STEAP2: variants seen among roughly 807,000 people sequenced by gnomAD.
STEAP2 encodes the protein metalloreductase STEAP2.
Under a neutral mutation model 46.4 loss-of-function variants are expected in STEAP2, and 30 were observed. That is an observed-to-expected ratio of 0.65 (90% CI 0.48 to 0.88). The LOEUF (loss-of-function observed/expected upper bound fraction) is 0.88. STEAP2 is among the 40% of genes least tolerant of loss of function. The pLI is 0.00. For synonymous variants in STEAP2, 180 were observed against 200.5 expected, an observed-to-expected ratio of 0.90 and a Z score of 0.86; for missense variants, 513 against 579.3, an observed-to-expected ratio of 0.89 and a Z score of 1.18.
chr7:90,225,018 A>G, intron 2 of STEAP2, 32 bp from the exon 3 acceptor site: 1 of 1,538,742 alleles, frequency 6.5e-7, no homozygotes, highest in Non-Finnish European at 8.8e-7. Context: ...AGTAATAGGT[A>G]ACTGATGACC....
chr7:90,229,818 G>T, intron 4 of STEAP2, 54 bp from the exon 5 acceptor site: 1 of 1,583,790 alleles, frequency 6.3e-7, no homozygotes, highest in South Asian at 1.2e-5. Flanking sequence ...ACTCTGTGCT[G>T]AATCAGTTAA....
At position 90,235,500 on chromosome 7, in the gene STEAP2, G is replaced by C; in HGVS notation, c.*2876G>C. 2 of 985,232 alleles carry C rather than the reference G, an allele frequency of 2.0e-6. No homozygotes were observed. The highest frequency in any genetic ancestry group is 2.4e-6 in the Non-Finnish European group (2 of 829,886). The allele number at this position is 985,232 out of a possible 1,614,324, so 61.0% of individuals were successfully genotyped here. A position where few individuals can be genotyped will look rare whatever the true frequency, so the allele number is the denominator to read the frequency against. ...TGAATTCTACTATTGCTAGGTGTGA[G>C]AAAGTGGTGGTGAGAACCTTAGAGC... is the stretch of plus-strand genomic sequence containing the variant. On this transcript the variant is annotated 3_prime_UTR_variant, in exon 6 of 6. Coordinates refer to ENST00000394621, the MANE Select transcript of STEAP2 (RefSeq NM_001244944.2).
downstream of STEAP2, among the ~76,000 whole-genome samples, chr7:90,242,763 T>C (rs1033809232): frequency 7.2e-5 from 11 of 152,192 alleles, no homozygotes; most frequent in African/African-American, 2.7e-4. Flanking sequence ...TAATAAGGCC[T>C]AAGAATGGTT....
In STEAP2 at chr7:90,236,734, A is replaced by C. The variant is rs1309115220; in HGVS notation, c.*4110A>C. 7.1e-7 allele frequency: 1 copy of C among 1,401,462 alleles called. No individual in the cohort carries two copies. The highest frequency in any genetic ancestry group is 1.5e-5 in the African/African-American group (1 of 68,108). The allele number at this position is 1,401,462 out of a possible 1,614,324, so 86.8% of individuals were successfully genotyped here. The stretch of plus-strand genomic sequence containing the variant: ...TGAGTTTTTTTTAACTTTCTAAATT[A>C]TTGAATTTCCATCATGCATTCATCC... On this transcript the variant is annotated 3_prime_UTR_variant, in exon 6 of 6. Transcript: ENST00000394621.
chr7:90,236,539 C>T lies in STEAP2; in HGVS notation c.*3915C>T, dbSNP rs1418712990. The T allele has an allele frequency of 9.7e-7, 1 of 1,035,388 alleles. No homozygotes were observed. Among genetic ancestry groups the T allele is most frequent in the Non-Finnish European group, 1.2e-6 (1 of 861,192 alleles). 64.1% of individuals were successfully genotyped at this position (1,035,388 alleles called of 1,614,324 possible). ...GACAAATGATTAGCCCTAAATGAAA[C>T]TGTAATAATTTCAGTGGAAACTCAA... On this transcript the variant is annotated 3_prime_UTR_variant, in exon 6 of 6. Coordinates refer to ENST00000394621, the MANE Select transcript of STEAP2 (RefSeq NM_001244944.2).
chr7:90,238,917 A>G (rs1022162385), downstream of STEAP2, among the ~76,000 whole-genome samples: 2 of 152,262 alleles, frequency 1.3e-5, no homozygotes, highest in African/African-American at 2.4e-5. Flanking sequence ...GATCAAATGT[A>G]CAGTCATACA....
In STEAP2 at chr7:90,234,831, T is replaced by A. The variant is rs532133947; in HGVS notation, c.*2207T>A. 6 of 979,564 alleles carry A rather than the reference T, an allele frequency of 6.1e-6. No individual in the cohort carries two copies. In the East Asian group the frequency reaches 3.4e-4, roughly 56 times the overall value. 60.7% of individuals were successfully genotyped at this position (979,564 alleles called of 1,614,324 possible). On this transcript the variant is annotated 3_prime_UTR_variant, in exon 6 of 6. Transcript: ENST00000394621. ...GCCTCCAAAGTGCTGGGATTACAGG[T>A]GTGAGCTACCGCGCCCGGCCTATTA...
In STEAP2 at chr7:90,229,985, T is replaced by C; in HGVS notation, c.1134T>C (p.Ser378=). ...TACTTTCCCTCCTGGCAGTCACTTC[T>C]ATCCCTTCAGTGAGCAATGCTTTAA... ...LGLLSLLAVT[S]IPSVSNALNW... is the part of the protein sequence containing the mutation. The change falls in exon 5 of 6, where the codon TCT becomes TCC. Residue 378 remains serine (S), a synonymous_variant. Coordinates refer to ENST00000394621, the MANE Select transcript of STEAP2 (RefSeq NM_001244944.2). 1.9e-6 allele frequency: 3 copies of C among 1,613,596 alleles called. No individual in the cohort carries two copies. The highest frequency in any genetic ancestry group is 2.5e-6 in the Non-Finnish European group (3 of 1,179,584).
rs1050302854 is a variant in STEAP2 at position 90,225,427 on chromosome 7, T to C, written c.345T>C (p.Asp115=). The C allele has an allele frequency of 6.2e-7, 1 of 1,613,858 alleles. No individual in the cohort carries two copies. The highest frequency in any genetic ancestry group is 1.3e-5 in the African/African-American group (1 of 74,992). Residue 115 remains aspartate, a synonymous_variant, in exon 3 of 6, where the codon GAT becomes GAC. Transcript: ENST00000394621. Reference sequence around the variant, plus strand: ...TGCTTGTGGGTAAAATCCTGATTGATGTGAGCAATAACATGAGGATAAACC... The same window carrying C: ...TGCTTGTGGGTAAAATCCTGATTGACGTGAGCAATAACATGAGGATAAACC... The part of the protein sequence containing the change: ...RHLLVGKILI[D]VSNNMRINQY...
chr7:90,236,433 G>A lies in STEAP2; in HGVS notation c.*3809G>A. ...TACATAGTATAACACACCTCACAGTGTTAAGATTTATATTGTGAAATGAGA... is the reference window on the plus strand; with the variant it reads ...TACATAGTATAACACACCTCACAGTATTAAGATTTATATTGTGAAATGAGA... On this transcript the variant is annotated 3_prime_UTR_variant, in exon 6 of 6. Transcript: ENST00000394621. The A allele has an allele frequency of 1.0e-6, 1 of 991,626 alleles. No homozygotes were observed. The highest frequency in any genetic ancestry group is 4.6e-5 in the South Asian group (1 of 21,872). 61.4% of individuals were successfully genotyped at this position (991,626 alleles called of 1,614,324 possible). A position where few individuals can be genotyped will look rare whatever the true frequency, so the allele number is the denominator to read the frequency against.
At chr7:90,225,801 T>C (rs750370194) in intron 3 of STEAP2, among the ~76,000 whole-genome samples, 52 of 152,116 alleles carry the variant, frequency 3.4e-4, no homozygotes, top group South Asian at 1.7e-3. Context: ...CCAGTTCAAC[T>C]TGAGAATAAA....
At chr7:90,222,170 G>C (rs1263841058) in intron 2 of STEAP2, among the ~76,000 whole-genome samples, 1 of 152,032 alleles carries the variant, frequency 6.6e-6, no homozygotes, top group Non-Finnish European at 1.5e-5. Flanking sequence ...AGCATAGCTA[G>C]TGACATCTCC....
downstream of STEAP2, chr7:90,238,090 C>A (rs1236886826): frequency 1.4e-6 from 1 of 717,460 alleles, no homozygotes; most frequent in African/African-American, 1.7e-5. Flanking sequence ...TGCCTTGCCT[C>A]CTGGCCAGTG....
chr7:90,231,376 G>A (rs184350172), intron 5 of STEAP2, among the ~76,000 whole-genome samples: 5 of 151,696 alleles, frequency 3.3e-5, no homozygotes, highest in Admixed American at 3.3e-4. Context: ...TTTTAAATTA[G>A]TTTATTTAAT....
chr7:90,227,250 A>C lies in STEAP2; in HGVS notation c.772A>C (p.Thr258Pro). Residue 258 changes from threonine to proline, a missense_variant, in exon 4 of 6, where the codon ACC becomes CCC. Thr to Pro is a conservative substitution (Grantham distance 38). Coordinates refer to ENST00000394621, the MANE Select transcript of STEAP2 (RefSeq NM_001244944.2). The stretch of plus-strand genomic sequence containing the variant: ...AATTCCTATAGAGATTGTGAATAAA[A>C]CCTTACCTATAGTTGCCATTACTTT... ...YKIPIEIVNK[T>P]LPIVAITLLS... The C allele has an allele frequency of 6.2e-7, 1 of 1,613,900 alleles. No individual in the cohort carries two copies. The highest frequency in any genetic ancestry group is 8.5e-7 in the Non-Finnish European group (1 of 1,179,874).
chr7:90,222,493 CAT>C (rs1795293128), intron 2 of STEAP2, among the ~76,000 whole-genome samples: 1 of 152,166 alleles, frequency 6.6e-6, no homozygotes. Context: ...CTAAATAACA[CAT>C]GTCTTAGCTG....
At chr7:90,227,539 A>G in intron 4 of STEAP2, 41 bp downstream of exon 4, 1 of 1,455,518 alleles carries the variant, frequency 6.9e-7, no homozygotes, top group Non-Finnish European at 9.1e-7. Context: ...CTAGTAAAAT[A>G]CTTTTTATTA....
At chr7:90,239,746 G>A (rs118096633), downstream of STEAP2, among the ~76,000 whole-genome samples, 497 of 152,140 alleles carry the variant, frequency 3.3e-3, no homozygotes, top group Middle Eastern at 6.8e-3. Context: ...CTAAACACGA[G>A]TAGTTCCTGC....
chr7:90,227,581 C>T (rs550685500), intron 4 of STEAP2, 83 bp downstream of exon 4: 1 of 1,279,352 alleles, frequency 7.8e-7, no homozygotes, highest in Non-Finnish European at 1.0e-6. Flanking sequence ...ATTTTACATG[C>T]CCTGTAATGG....
Sources: allele counts gnomAD v4.1 joint callset (sites outside exome capture counted in the v4.1 genomes callset), GRCh38; gene constraint gnomAD v4.1.1; transcripts MANE v1.5; gene names NCBI Gene and HGNC (gene_info 2026-07-23, HGNC 2026-07-21).